Variants in ZNF678 observed in about 807,000 individuals in gnomAD.
ZNF678 encodes the protein zinc finger protein 678.
ZNF678 carries 5 observed loss-of-function variants against 3.0 expected under a neutral mutation model. That is an observed-to-expected ratio of 1.69 (90% confidence interval 0.88 to 3.56). ZNF678 has a LOEUF of 3.56. Among genes scored for constraint, ZNF678 ranks in the 30% most tolerant of loss-of-function variants. ZNF678 has a pLI of 0.00. For missense variants in ZNF678, 593 were observed against 605.0 expected (o/e 0.98, Z 0.21); for synonymous variants, 218 against 199.6 (o/e 1.09, Z -0.78).
intron 1 of ZNF678, among the ~76,000 whole-genome samples, chr1:227,596,065 ATCC>A (rs3033484): frequency 0.013 from 1,956 of 152,288 alleles, 45 homozygotes; most frequent in African/African-American, 0.045. Flanking sequence ...CACTGCATTG[ATCC>A]TCCATGGGAG....
chr1:227,665,714 G>A (rs1055711158), downstream of ZNF678, among the ~76,000 whole-genome samples: 2 of 152,214 alleles, frequency 1.3e-5, no homozygotes, highest in Non-Finnish European at 2.9e-5. Flanking sequence ...CATATTTTGT[G>A]TATGTAAAGC....
At chr1:227,625,826 A>G (rs1389141779) in intron 1 of ZNF678, among the ~76,000 whole-genome samples, 2 of 152,058 alleles carry the variant, frequency 1.3e-5, no homozygotes, top group African/African-American at 2.4e-5. Flanking sequence ...CCCATCAGAC[A>G]TACCGGTATG....
chr1:227,595,069 G>T (rs1319406013), intron 1 of ZNF678, among the ~76,000 whole-genome samples: 1 of 152,168 alleles, frequency 6.6e-6, no homozygotes, highest in Non-Finnish European at 1.5e-5. Flanking sequence ...AGTGGTATTG[G>T]AGTGTTATAG....
intron 1 of ZNF678, among the ~76,000 whole-genome samples, chr1:227,627,355 G>A (rs1457840470): frequency 1.3e-5 from 2 of 152,056 alleles, no homozygotes; most frequent in African/African-American, 4.8e-5. Context: ...CTTCTGCTGA[G>A]TATTGGGGCT....
At chr1:227,628,919 A>C (rs1658483380) in intron 1 of ZNF678, among the ~76,000 whole-genome samples, 1 of 152,214 alleles carries the variant, frequency 6.6e-6, no homozygotes, top group Non-Finnish European at 1.5e-5. Flanking sequence ...GTCAGGATGT[A>C]CAGGGATGCA....
At chr1:227,572,129 T>C (rs1022933238) in intron 1 of ZNF678, among the ~76,000 whole-genome samples, 1 of 152,278 alleles carries the variant, frequency 6.6e-6, no homozygotes, top group Non-Finnish European at 1.5e-5. Flanking sequence ...TCATATTTGT[T>C]TGTTTTAATA....
chr1:227,587,368 A>G (rs567363711), intron 1 of ZNF678, among the ~76,000 whole-genome samples: 1 of 152,034 alleles, frequency 6.6e-6, no homozygotes, highest in Non-Finnish European at 1.5e-5. Context: ...CAAAAGACAT[A>G]CCCAGGGCAG....
chr1:227,653,071 C>G (rs1441225338), intron 3 of ZNF678, among the ~76,000 whole-genome samples: 3 of 151,864 alleles, frequency 2.0e-5, no homozygotes, highest in African/African-American at 7.3e-5. Context: ...CTTTCAATAC[C>G]CTGATTATAT....
intron 1 of ZNF678, among the ~76,000 whole-genome samples, chr1:227,590,249 C>T (rs1039771648): frequency 6.6e-6 from 1 of 151,828 alleles, no homozygotes. Flanking sequence ...ATGTCTTTAA[C>T]TGTATCTTCG....
intron 1 of ZNF678, among the ~76,000 whole-genome samples, chr1:227,594,182 A>G (rs1039345075): frequency 6.6e-6 from 1 of 152,094 alleles, no homozygotes; most frequent in Non-Finnish European, 1.5e-5. Flanking sequence ...TTTAGCACCT[A>G]TTTTTATTAG....
chr1:227,632,786 T>A (rs1196477803), intron 1 of ZNF678, among the ~76,000 whole-genome samples: 1 of 152,176 alleles, frequency 6.6e-6, no homozygotes, highest in African/African-American at 2.4e-5. Context: ...AGAATCCCTG[T>A]ATGGGCTACC....
At chr1:227,630,639 G>A (rs1373776263) in intron 1 of ZNF678, among the ~76,000 whole-genome samples, 1 of 152,210 alleles carries the variant, frequency 6.6e-6, no homozygotes, top group Non-Finnish European at 1.5e-5. Context: ...GAGGGAAAAA[G>A]GTACATGCAC....
At chr1:227,578,512 T>C (rs1657043158) in intron 1 of ZNF678, among the ~76,000 whole-genome samples, 1 of 152,238 alleles carries the variant, frequency 6.6e-6, no homozygotes, top group South Asian at 2.1e-4. Context: ...CTGAGATTCT[T>C]TTCTCCATTT....
chr1:227,578,856 C>G (rs147275251), intron 1 of ZNF678, among the ~76,000 whole-genome samples: 1 of 152,302 alleles, frequency 6.6e-6, no homozygotes, highest in African/African-American at 2.4e-5. Context: ...CTGATTGTTT[C>G]TCATCTTTGT....
chr1:227,643,978 G>A (rs7521812), intron 1 of ZNF678, among the ~76,000 whole-genome samples: 32,700 of 149,900 alleles, frequency 0.22, 3,939 homozygotes, highest in African/African-American at 0.32. Flanking sequence ...ATTCTCCTGC[G>A]TCAGCCTCCC....
intron 1 of ZNF678, among the ~76,000 whole-genome samples, chr1:227,640,038 G>A (rs1658779981): frequency 6.6e-6 from 1 of 152,222 alleles, no homozygotes; most frequent in Non-Finnish European, 1.5e-5. Context: ...TGAAATAAGG[G>A]TGGGGCATGG....
chr1:227,567,032 T>G (rs1656706624), intron 1 of ZNF678, among the ~76,000 whole-genome samples: 1 of 152,196 alleles, frequency 6.6e-6, no homozygotes, highest in Non-Finnish European at 1.5e-5. Context: ...CAGTTCCTCT[T>G]TTTTACAGGG....
At chr1:227,566,210 G>A (rs928374555) in intron 1 of ZNF678, among the ~76,000 whole-genome samples, 4 of 152,184 alleles carry the variant, frequency 2.6e-5, no homozygotes, top group Admixed American at 2.6e-4. Flanking sequence ...TGGAGATGGA[G>A]CCTCTCAGTG....
intron 2 of ZNF678, 70 bp from the exon 3 acceptor site, chr1:227,650,886 G>T (rs1188064477): frequency 2.5e-6 from 3 of 1,211,918 alleles, no homozygotes; most frequent in Non-Finnish European, 2.3e-6. Flanking sequence ...ACAAACAGCA[G>T]TATTTTTACT....
Sources: gnomAD v4.1 joint callset for allele counts (sites outside exome capture counted in the v4.1 genomes callset) on GRCh38, gnomAD v4.1.1 for gene constraint, MANE v1.5 for transcripts, NCBI Gene and HGNC (gene_info 2026-07-23, HGNC 2026-07-21) for gene names.